LDAH: variants seen among roughly 807,000 people sequenced by gnomAD.
LDAH encodes the protein lipid droplet-associated hydrolase.
Under a neutral mutation model 29.6 loss-of-function variants are expected in LDAH, and 26 were observed. The ratio of observed to expected loss-of-function variants is 0.88; its 90% confidence interval spans 0.64 to 1.22. The LOEUF is 1.22. Ranked by LOEUF, LDAH falls within the 50% of genes most tolerant of loss-of-function variation. The pLI, the probability that LDAH is intolerant of heterozygous loss-of-function variation, is 0.00. For missense variants in LDAH, 344 were observed against 387.3 expected (o/e 0.89, Z 0.94); for synonymous variants, 117 against 133.0 (o/e 0.88, Z 0.83).
At chr2:20,755,316 A>G (rs1668267368) in intron 4 of LDAH, among the ~76,000 whole-genome samples, 1 of 152,186 alleles carries the variant, frequency 6.6e-6, no homozygotes, top group Non-Finnish European at 1.5e-5. Flanking sequence ...AATCACTTGC[A>G]GTCCACCACT....
chr2:20,775,187 A>T (rs1229004105), intron 3 of LDAH, among the ~76,000 whole-genome samples: 2 of 152,206 alleles, frequency 1.3e-5, no homozygotes, highest in African/African-American at 2.4e-5. Context: ...TGATAGGTGA[A>T]AATCCCAATG....
intron 3 of LDAH, among the ~76,000 whole-genome samples, chr2:20,789,774 A>T (rs597781): frequency 0.15 from 23,123 of 152,098 alleles, 4,341 homozygotes; most frequent in African/African-American, 0.45. Flanking sequence ...AGCGGCAGCA[A>T]TGGATTCTCA....
chr2:20,687,250 G>T (rs1363870301), intron 6 of LDAH, among the ~76,000 whole-genome samples, 156 bp from the exon 7 acceptor site: 1 of 152,224 alleles, frequency 6.6e-6, no homozygotes, highest in Non-Finnish European at 1.5e-5. Flanking sequence ...TCTCAAGGCA[G>T]CAAGGCTTCA....
chr2:20,794,583 T>C (rs577475036), intron 2 of LDAH, among the ~76,000 whole-genome samples: 2 of 152,242 alleles, frequency 1.3e-5, no homozygotes, highest in African/African-American at 4.8e-5. Flanking sequence ...GAATGCTGGA[T>C]TGGTTTAACA....
At chr2:20,778,885 A>G (rs1452221638) in intron 3 of LDAH, among the ~76,000 whole-genome samples, 1 of 151,916 alleles carries the variant, frequency 6.6e-6, no homozygotes, top group African/African-American at 2.4e-5. Context: ...AATCCAAGCA[A>G]AACAGTTTAA....
intron 5 of LDAH, among the ~76,000 whole-genome samples, chr2:20,729,848 T>C (rs1402362804): frequency 1.3e-5 from 2 of 152,192 alleles, no homozygotes; most frequent in African/African-American, 4.8e-5. Context: ...CAGGCCGAAG[T>C]GCAGTGGTGC....
At chr2:20,755,264 C>G (rs985743437) in intron 4 of LDAH, among the ~76,000 whole-genome samples, 1 of 151,156 alleles carries the variant, frequency 6.6e-6, no homozygotes, top group African/African-American at 2.4e-5. Flanking sequence ...TCTTACAACT[C>G]TTCTCTAAGT....
At chr2:20,758,726 A>C (rs1241987163) in intron 4 of LDAH, among the ~76,000 whole-genome samples, 6 of 152,186 alleles carry the variant, frequency 3.9e-5, no homozygotes, top group Non-Finnish European at 8.8e-5. Flanking sequence ...TTTCCAGAAG[A>C]ACAGGAGGCA....
chr2:20,691,939 G>A (rs1431702883), intron 6 of LDAH, among the ~76,000 whole-genome samples: 1 of 152,118 alleles, frequency 6.6e-6, no homozygotes, highest in Non-Finnish European at 1.5e-5. Context: ...AGGGGACAGG[G>A]CCCTCCTAAA....
chr2:20,790,372 C>A lies in LDAH; in HGVS notation c.181G>T (p.Val61Leu). The change falls in exon 3 of 7, where the codon GTG becomes TTG. Residue 61 changes from valine to leucine, a missense_variant. Physicochemically the swap from Val to Leu is conservative, Grantham distance 32. Transcript: ENST00000237822. Reference sequence around the variant, plus strand: ...GAGTATAAAGCCTTTGCAAATGGCACATAAAAGGCAGAAAAACCTGGGTTA... The same window carrying A: ...GAGTATAAAGCCTTTGCAAATGGCAAATAAAAGGCAGAAAAACCTGGGTTA... ...PGNPGFSAFYVPFAKALYSLT... is the reference protein window; with the variant it reads ...PGNPGFSAFYLPFAKALYSLT... 6.2e-7 allele frequency: 1 copy of A among 1,613,366 alleles called. No homozygotes were observed. Among genetic ancestry groups the A allele is most frequent in the Non-Finnish European group, 8.5e-7 (1 of 1,179,772 alleles).
At chr2:20,694,370 T>C (rs1003282938) in intron 6 of LDAH, among the ~76,000 whole-genome samples, 1 of 152,240 alleles carries the variant, frequency 6.6e-6, no homozygotes, top group Non-Finnish European at 1.5e-5. Context: ...GATTCTGTGA[T>C]ATAAGCATCT....
rs761792941 is a variant in LDAH at position 20,687,042 on chromosome 2, T to C, written c.839A>G (p.Glu280Gly). 6.2e-7 allele frequency: 1 copy of C among 1,614,090 alleles called. No individual in the cohort carries two copies. The highest frequency in any genetic ancestry group is 2.2e-5 in the East Asian group (1 of 44,880). ...TTCTGGAAAATCCTTCTTAATGTCT[T>C]CATAGTACTCTTTTGGACACCAAGG... ...IDPWCPKEYY[E>G]DIKKDFPEGD... The change falls in exon 7 of 7, where the codon GAA becomes GGA. Residue 280 changes from glutamate (E) to glycine (G), a missense_variant. Transcript: ENST00000237822.
intron 4 of LDAH, among the ~76,000 whole-genome samples, chr2:20,753,235 CT>C (rs1195234937): frequency 6.6e-6 from 1 of 152,134 alleles, no homozygotes; most frequent in Non-Finnish European, 1.5e-5. Context: ...ATTTTCTTAT[CT>C]TTTTTAACAA....
chr2:20,687,765 T>C (rs1041734708), intron 6 of LDAH, among the ~76,000 whole-genome samples: 1 of 152,260 alleles, frequency 6.6e-6, no homozygotes, highest in Non-Finnish European at 1.5e-5. Context: ...CTGCATGTGA[T>C]ATATATGTAT....
At chr2:20,743,634 G>T (rs1667362427) in intron 4 of LDAH, among the ~76,000 whole-genome samples, 1 of 152,056 alleles carries the variant, frequency 6.6e-6, no homozygotes, top group African/African-American at 2.4e-5. Flanking sequence ...TAAGAAAAAT[G>T]AACATTTTAG....
chr2:20,728,536 C>T (rs557018841), intron 5 of LDAH, among the ~76,000 whole-genome samples: 5 of 55,446 alleles, frequency 9.0e-5, no homozygotes, highest in Admixed American at 1.6e-4. Context: ...TTGAGTGTTG[C>T]TCTCTCAGTT....
chr2:20,736,479 T>C (rs1458678086), intron 5 of LDAH, among the ~76,000 whole-genome samples: 1 of 151,762 alleles, frequency 6.6e-6, no homozygotes, highest in Non-Finnish European at 1.5e-5. Context: ...AAAGAAAGTA[T>C]TGAAAACCAG....
At chr2:20,813,316 G>A (rs542499975) in intron 1 of LDAH, among the ~76,000 whole-genome samples, 5 of 152,114 alleles carry the variant, frequency 3.3e-5, no homozygotes, top group African/African-American at 1.2e-4. Flanking sequence ...ATTTTTTCAT[G>A]AATGAGTTGC....
chr2:20,711,403 T>TATCA (rs1664753645), intron 5 of LDAH, among the ~76,000 whole-genome samples: 1 of 136,940 alleles, frequency 7.3e-6, no homozygotes, highest in Non-Finnish European at 1.6e-5. Flanking sequence ...AAAAAAAGAG[T>TATCA]AGAGAAGTGG....
Sources: gnomAD v4.1 joint callset for allele counts (sites outside exome capture counted in the v4.1 genomes callset) on GRCh38, gnomAD v4.1.1 for gene constraint, MANE v1.5 for transcripts, NCBI Gene and HGNC (gene_info 2026-07-23, HGNC 2026-07-21) for gene names.